The following NELL1 variants were observed in gnomAD, a reference collection of about 807,000 sequenced individuals.
NELL1 encodes protein kinase C-binding protein NELL1.
A neutral mutation model predicts 107.4 loss-of-function variants in NELL1; 76 were observed. The observed-to-expected ratio is 0.71, with a 90% CI of 0.59 to 0.86. NELL1 has a LOEUF of 0.86. NELL1 is among the 40% of genes least tolerant of loss of function. The pLI, the probability that NELL1 is intolerant of heterozygous loss-of-function variation, is 0.00. For missense variants in NELL1, 1,024 were observed against 1,005.5 expected, an observed-to-expected ratio of 1.02 and a Z score of -0.25; for synonymous variants, 353 against 341.2, an observed-to-expected ratio of 1.03 and a Z score of -0.38.
At chr11:20,737,192 T>A (rs756103115) in intron 2 of NELL1, among the ~76,000 whole-genome samples, 1 of 152,162 alleles carries the variant, frequency 6.6e-6, no homozygotes, top group Non-Finnish European at 1.5e-5. Context: ...TGGAGTCTGA[T>A]AGCCTGGTGT....
chr11:20,820,071 T>A (rs1857716578), intron 3 of NELL1, among the ~76,000 whole-genome samples: 1 of 152,192 alleles, frequency 6.6e-6, no homozygotes, highest in South Asian at 2.1e-4. Flanking sequence ...AAGGCTGGTT[T>A]TATGGCCCCA....
intron 13 of NELL1, among the ~76,000 whole-genome samples, chr11:21,186,338 G>T (rs567999385): frequency 6.6e-6 from 1 of 151,908 alleles, no homozygotes; most frequent in South Asian, 2.1e-4. Flanking sequence ...ATGGATGCTG[G>T]ATGGCCAAAA....
chr11:20,876,313 T>C (rs1026123193), intron 4 of NELL1, among the ~76,000 whole-genome samples: 1 of 152,248 alleles, frequency 6.6e-6, no homozygotes, highest in Admixed American at 6.5e-5. Flanking sequence ...TTTGTCATTT[T>C]CTGAGTGTCA....
rs955160021 is a variant in NELL1, at chr11:21,570,662, G to A, written c.1981-102G>A. Reference sequence around the variant, plus strand: ...GCTTCAGTTTTGAACAGAATGAGAGGTGGCCAGGGGGTGACCAAACATCCA... The same window carrying A: ...GCTTCAGTTTTGAACAGAATGAGAGATGGCCAGGGGGTGACCAAACATCCA... On this transcript the variant is annotated intron_variant, in intron 17 of 19. Transcript: ENST00000357134. 36 of 1,005,424 alleles carry A rather than the reference G, an allele frequency of 3.6e-5. 1 individual carries two copies. The South Asian group carries it at 5.2e-4, about 15-fold the overall frequency. The allele number at this position is 1,005,424 out of a possible 1,614,324, so 62.3% of individuals were successfully genotyped here.
intron 13 of NELL1, among the ~76,000 whole-genome samples, chr11:21,183,282 G>T (rs747683884): frequency 1.3e-5 from 2 of 151,674 alleles, no homozygotes; most frequent in Non-Finnish European, 2.9e-5. Flanking sequence ...CTTTTTCAAG[G>T]GCCAGCTTAG....
chr11:21,008,238 A>G (rs959364600), intron 12 of NELL1, among the ~76,000 whole-genome samples: 2 of 152,134 alleles, frequency 1.3e-5, no homozygotes, highest in Admixed American at 1.3e-4. Flanking sequence ...TACTTCATTG[A>G]AAATATTTAA....
intron 12 of NELL1, among the ~76,000 whole-genome samples, chr11:21,024,788 C>T (rs1852777607): frequency 6.6e-6 from 1 of 152,114 alleles, no homozygotes; most frequent in Non-Finnish European, 1.5e-5. Context: ...ATAATTCAGA[C>T]TATTCTTCCA....
At chr11:21,566,454 AT>A (rs146676073) in intron 17 of NELL1, among the ~76,000 whole-genome samples, 141 of 151,698 alleles carry the variant, frequency 9.3e-4, no homozygotes, top group African/African-American at 3.1e-3. Context: ...GAAAAAATGT[AT>A]TTTTTTTACC....
intron 13 of NELL1, among the ~76,000 whole-genome samples, chr11:21,192,931 T>A (rs1590720538): frequency 6.6e-6 from 1 of 151,700 alleles, no homozygotes; most frequent in Non-Finnish European, 1.5e-5. Context: ...CATCGTGGAG[T>A]CTTTAATGAC....
At chr11:21,317,624 G>A (rs2133659270) in intron 14 of NELL1, among the ~76,000 whole-genome samples, 1 of 152,022 alleles carries the variant, frequency 6.6e-6, no homozygotes, top group East Asian at 2.0e-4. Flanking sequence ...ACAGCATATA[G>A]ATAAGTATGG....
Position 20,696,023 on chromosome 11 carries a change from C to T in NELL1, c.184+17963C>T, listed in dbSNP as rs1243873257. 2.6e-5 allele frequency among the ~76,000 whole-genome samples: 4 copies of T among 152,132 alleles called. No homozygotes were observed. The East Asian group carries it at 5.8e-4, about 22-fold the overall frequency. On this transcript the variant is annotated intron_variant, in intron 2 of 19. Transcript: ENST00000357134. ...TCAATCATGAGAAGTTACGTGTTTC[C>T]AGGAATTTATCCATTTCTGGATAGA...
At chr11:21,161,847 C>T (rs1048089105) in intron 13 of NELL1, among the ~76,000 whole-genome samples, 8 of 151,494 alleles carry the variant, frequency 5.3e-5, no homozygotes, top group African/African-American at 1.9e-4. Flanking sequence ...TTGGATTAAC[C>T]CCATTTCACA....
At chr11:20,772,177 C>T (rs1403186941) in intron 2 of NELL1, among the ~76,000 whole-genome samples, 2 of 152,112 alleles carry the variant, frequency 1.3e-5, no homozygotes, top group African/African-American at 4.8e-5. Flanking sequence ...GATCAGCCCA[C>T]CAAACTTTTA....
chr11:20,720,202 G>GGT (rs112045046), intron 2 of NELL1, among the ~76,000 whole-genome samples: 1 of 141,058 alleles, frequency 7.1e-6, no homozygotes, highest in Non-Finnish European at 1.5e-5. Flanking sequence ...GTTCATTCCT[G>GGT]TTTTTTTTTT....
chr11:21,527,051 T>G (rs1056745166), intron 15 of NELL1, among the ~76,000 whole-genome samples: 2 of 152,188 alleles, frequency 1.3e-5, no homozygotes, highest in East Asian at 1.9e-4. Flanking sequence ...TTTTCAAACT[T>G]TTATGCTCTG....
intron 2 of NELL1, among the ~76,000 whole-genome samples, chr11:20,765,811 T>G (rs892739403): frequency 3.9e-5 from 6 of 152,204 alleles, no homozygotes; most frequent in Admixed American, 1.3e-4. Flanking sequence ...ATTTGCATTT[T>G]TAATTGCAGA....
intron 12 of NELL1, among the ~76,000 whole-genome samples, chr11:21,071,149 C>A (rs1279839819): frequency 1.3e-5 from 2 of 152,066 alleles, no homozygotes; most frequent in Non-Finnish European, 2.9e-5. Context: ...TAATCTTGGG[C>A]AAATTTGGGG....
At chr11:21,369,021 G>C (rs959285902) in intron 14 of NELL1, among the ~76,000 whole-genome samples, 5 of 151,942 alleles carry the variant, frequency 3.3e-5, no homozygotes, top group African/African-American at 1.2e-4. Flanking sequence ...TCTACTTAAA[G>C]ACTGAGTAAA....
intron 15 of NELL1, among the ~76,000 whole-genome samples, chr11:21,455,276 CT>C (rs1307923185): frequency 7.6e-6 from 1 of 132,366 alleles, no homozygotes; most frequent in Non-Finnish European, 1.6e-5. Context: ...CATAATGTGA[CT>C]TTTTTTTATC....
Sources: gnomAD v4.1 joint callset for allele counts (sites outside exome capture counted in the v4.1 genomes callset) on GRCh38, gnomAD v4.1.1 for gene constraint, MANE v1.5 for transcripts, NCBI Gene and HGNC (gene_info 2026-07-23, HGNC 2026-07-21) for gene names.